Variants in SCARB2 observed in about 807,000 individuals in gnomAD.
SCARB2 encodes lysosome membrane protein 2.
SCARB2 carries 29 observed loss-of-function variants against 58.6 expected under a neutral mutation model. That is an observed-to-expected ratio of 0.49 (90% CI 0.37 to 0.67). SCARB2 has a LOEUF of 0.67. Ranked by LOEUF, SCARB2 falls within the 30% of genes least tolerant of loss-of-function variation. The probability of loss-of-function intolerance (pLI) is 0.00; values close to 1 mark genes in which losing one functional copy is unlikely to be tolerated. For synonymous variants in SCARB2, 195 were observed against 210.1 expected (o/e 0.93, Z 0.62); for missense variants, 488 against 578.5 (o/e 0.84, Z 1.60).
At chr4:76,172,024 CATAT>C (rs1423615774) in intron 7 of SCARB2, among the ~76,000 whole-genome samples, 1 of 148,564 alleles carries the variant, frequency 6.7e-6, no homozygotes, top group African/African-American at 2.5e-5. Flanking sequence ...ATACTATATA[CATAT>C]ATATTAAAAT....
chr4:76,231,331 G>A (rs1411779774), intron 1 of SCARB2, among the ~76,000 whole-genome samples: 2 of 152,204 alleles, frequency 1.3e-5, no homozygotes, highest in African/African-American at 4.8e-5. Flanking sequence ...TGTTGATCCA[G>A]ATTTTCACAT....
At chr4:76,174,565 AGAT>A (rs1732207607) in intron 6 of SCARB2, 1 of 461,770 alleles carries the variant, frequency 2.2e-6, no homozygotes, top group Non-Finnish European at 4.0e-6. Flanking sequence ...TACAAAATTA[AGAT>A]GATAACATTT....
At chr4:76,224,251 TA>T (rs1380087456) in intron 1 of SCARB2, among the ~76,000 whole-genome samples, 2 of 152,312 alleles carry the variant, frequency 1.3e-5, no homozygotes, top group East Asian at 3.9e-4. Context: ...ATTCACGGGA[TA>T]ATTGGGCTGG....
At chr4:76,229,032 T>A (rs1276945919) in intron 1 of SCARB2, among the ~76,000 whole-genome samples, 2 of 152,190 alleles carry the variant, frequency 1.3e-5, no homozygotes, top group East Asian at 1.9e-4. Flanking sequence ...TTCATTTTTT[T>A]AATTACTTTT....
rs368407038 is a variant in SCARB2, at chr4:76,179,509, C to T, written c.612+8G>A. The T allele has an allele frequency of 1.2e-6, 2 of 1,607,254 alleles. No homozygotes were observed. Among genetic ancestry groups the T allele is most frequent in the African/African-American group, 2.7e-5 (2 of 74,742 alleles). ...AAAAAGAGGTTCTGAAAAGAAAAAT[C>T]TACTTACCTCATAGAATAGGCCAAA... On this transcript the variant is annotated splice_region_variant and intron_variant, in intron 4 of 11. Coordinates refer to ENST00000264896, the MANE Select transcript of SCARB2 (RefSeq NM_005506.4).
intron 1 of SCARB2, among the ~76,000 whole-genome samples, chr4:76,204,326 A>C (rs944182001): frequency 1.3e-5 from 2 of 152,190 alleles, no homozygotes; most frequent in Non-Finnish European, 2.9e-5. Flanking sequence ...ATTGGCATTC[A>C]TTTATTTATG....
chr4:76,228,593 CTT>C (rs1239508930), intron 1 of SCARB2, among the ~76,000 whole-genome samples: 1 of 152,004 alleles, frequency 6.6e-6, no homozygotes, highest in Non-Finnish European at 1.5e-5. Flanking sequence ...TACTTTATCT[CTT>C]ATTTATTTAT....
Position 76,159,231 on chromosome 4 carries a change from A to T in SCARB2, c.*2482T>A, listed in dbSNP as rs1374018657. ...GCATTCTGTGATCATGACAGTGCTT[A>T]CAATCACAAAGCCTTTGGGGGTCTT... On this transcript the variant is annotated 3_prime_UTR_variant, in exon 12 of 12. Coordinates refer to ENST00000264896, the MANE Select transcript of SCARB2 (RefSeq NM_005506.4). 6.6e-6 allele frequency: 1 copy of T among 152,240 alleles called. No individual in the cohort carries two copies. Among genetic ancestry groups the T allele is most frequent in the Non-Finnish European group, 1.5e-5 (1 of 68,038 alleles). 9.4% of individuals were successfully genotyped at this position (152,240 alleles called of 1,614,324 possible).
At chr4:76,170,951 T>C (rs746610167) in intron 7 of SCARB2, among the ~76,000 whole-genome samples, 1 of 63,338 alleles carries the variant, frequency 1.6e-5, no homozygotes, top group African/African-American at 2.3e-4. Flanking sequence ...TTTAAATATA[T>C]ATATATATAT....
At chr4:76,226,266 G>C (rs747100242) in intron 1 of SCARB2, among the ~76,000 whole-genome samples, 1 of 152,088 alleles carries the variant, frequency 6.6e-6, no homozygotes, top group Non-Finnish European at 1.5e-5. Flanking sequence ...TGGACATGGG[G>C]GTAAACAGGT....
intron 1 of SCARB2, among the ~76,000 whole-genome samples, chr4:76,226,509 G>A (rs1474730739): frequency 1.3e-5 from 2 of 152,214 alleles, no homozygotes; most frequent in Non-Finnish European, 2.9e-5. Flanking sequence ...CAAGCCACAA[G>A]GGGTTTTATG....
intron 2 of SCARB2, among the ~76,000 whole-genome samples, chr4:76,183,080 C>A (rs566511977): frequency 2.6e-5 from 4 of 152,296 alleles, no homozygotes; most frequent in Admixed American, 2.0e-4. Flanking sequence ...TAAATGCATT[C>A]ATATAGATGC....
At position 76,182,469 on chromosome 4, in the gene SCARB2, T is replaced by C. The variant is rs112245270; in HGVS notation, c.276-1368A>G. 4.0e-3 allele frequency among the ~76,000 whole-genome samples: 612 copies of C among 152,342 alleles called. 5 individuals are homozygous for C. Among genetic ancestry groups the C allele is most frequent in the African/African-American group, 0.014 (584 of 41,566 alleles). On this transcript the variant is annotated intron_variant, in intron 2 of 11. Coordinates refer to ENST00000264896, the MANE Select transcript of SCARB2 (RefSeq NM_005506.4). ...CTGCTTCCTTCTACTTTTTAAAAAA[T>C]GTGGCTACTAGAAAATCTTAAAATC...
intron 1 of SCARB2, among the ~76,000 whole-genome samples, chr4:76,198,860 G>GTC (rs1378872699): frequency 6.7e-6 from 1 of 149,262 alleles, no homozygotes; most frequent in African/African-American, 2.4e-5. Context: ...GTGTGTGTGT[G>GTC]TGTGTGTGTG....
intron 1 of SCARB2, among the ~76,000 whole-genome samples, chr4:76,228,792 C>G (rs1560729835): frequency 6.6e-6 from 1 of 152,154 alleles, no homozygotes; most frequent in Non-Finnish European, 1.5e-5. Flanking sequence ...TTCTTTCCTT[C>G]ATCTTGATGT....
rs76122063 is a variant in SCARB2 at position 76,197,340 on chromosome 4, G to T, written c.118-1476C>A. On this transcript the variant is annotated intron_variant, in intron 1 of 11. Coordinates refer to ENST00000264896, the MANE Select transcript of SCARB2 (RefSeq NM_005506.4). ...TATCAATTTGGAGCTAAGGCCTTAA[G>T]ATGCATGGCAAGTTTCTATCTGCCA... 2.4e-3 allele frequency among the ~76,000 whole-genome samples: 358 copies of T among 152,340 alleles called. 5 individuals are homozygous for T. In the East Asian group the frequency reaches 0.05, roughly 21 times the overall value.
chr4:76,180,051 ATTATAAAC>A, intron 3 of SCARB2: 2 of 347,398 alleles, frequency 5.8e-6, no homozygotes, highest in South Asian at 2.5e-5. Context: ...CCAGAGGCTC[ATTATAAAC>A]CCGACCTACA....
chr4:76,183,878 T>C (rs747618708), intron 2 of SCARB2, among the ~76,000 whole-genome samples: 3 of 152,346 alleles, frequency 2.0e-5, no homozygotes, highest in Non-Finnish European at 4.4e-5. Flanking sequence ...CCAAGGATCT[T>C]AGGAGCTGTA....
chr4:76,213,330 G>C (rs1221903926), intron 1 of SCARB2, 97 bp downstream of exon 1: 1 of 843,556 alleles, frequency 1.2e-6, no homozygotes, highest in African/African-American at 1.7e-5. Context: ...CGGAGGGTCT[G>C]CCTGAGTGCT....
Sources: allele counts gnomAD v4.1 joint callset (sites outside exome capture counted in the v4.1 genomes callset), GRCh38; gene constraint gnomAD v4.1.1; transcripts MANE v1.5; gene names NCBI Gene and HGNC (gene_info 2026-07-23, HGNC 2026-07-21).